SLC12A6: variants seen among roughly 807,000 people sequenced by gnomAD.
SLC12A6 encodes the protein solute carrier family 12 member 6, also known as K-Cl cotransporter 3.
Under a neutral mutation model 135.3 loss-of-function variants are expected in SLC12A6, and 66 were observed. That is an observed-to-expected ratio of 0.49 (90% CI 0.40 to 0.60). SLC12A6 has a LOEUF of 0.60. SLC12A6 is among the 20% of genes least tolerant of loss of function. The pLI is 0.00. For missense variants in SLC12A6, 1,058 were observed against 1,452.3 expected (o/e 0.73, Z 4.41); for synonymous variants, 513 against 508.8 (o/e 1.01, Z -0.11).
intron 2 of SLC12A6, among the ~76,000 whole-genome samples, chr15:34,302,664 C>T (rs755523128): frequency 5.3e-5 from 8 of 152,126 alleles, no homozygotes; most frequent in Non-Finnish European, 1.0e-4. Flanking sequence ...CACTGCACTC[C>T]AGCCTGGGTG....
chr15:34,269,583 T>C (rs923722638), intron 3 of SLC12A6, among the ~76,000 whole-genome samples: 3 of 152,218 alleles, frequency 2.0e-5, no homozygotes, highest in African/African-American at 7.2e-5. Flanking sequence ...TGAAAGGTTA[T>C]CCCAAATGCT....
At chr15:34,318,478 A>T in intron 2 of SLC12A6, 2 of 1,058,690 alleles carry the variant, frequency 1.9e-6, no homozygotes, top group Non-Finnish European at 3.0e-6. Flanking sequence ...GTCCTAAAGA[A>T]GGCATTTTGA....
chr15:34,281,042 G>C (rs146538716), intron 2 of SLC12A6, among the ~76,000 whole-genome samples: 1 of 152,212 alleles, frequency 6.6e-6, no homozygotes, highest in African/African-American at 2.4e-5. Flanking sequence ...GAAGGGCATG[G>C]GTATGGGCGG....
At chr15:34,330,617 G>A (rs895047899) in intron 2 of SLC12A6, among the ~76,000 whole-genome samples, 5 of 151,744 alleles carry the variant, frequency 3.3e-5, no homozygotes, top group Non-Finnish European at 7.4e-5. Context: ...GCAGTGAGCC[G>A]TGATCACACC....
At chr15:34,265,894 A>G (rs1893478542) in intron 3 of SLC12A6, among the ~76,000 whole-genome samples, 1 of 152,192 alleles carries the variant, frequency 6.6e-6, no homozygotes, top group African/African-American at 2.4e-5. Context: ...CATATTTAGA[A>G]AGACAGAAAG....
intron 24 of SLC12A6, among the ~76,000 whole-genome samples, chr15:34,235,786 T>C (rs1891220536): frequency 6.6e-6 from 1 of 152,162 alleles, no homozygotes; most frequent in Admixed American, 6.5e-5. Flanking sequence ...TCATTCTCTG[T>C]TGGCTTATTT....
intron 2 of SLC12A6, among the ~76,000 whole-genome samples, chr15:34,301,204 G>C (rs975259782): frequency 1.3e-5 from 2 of 152,064 alleles, no homozygotes; most frequent in Non-Finnish European, 2.9e-5. Context: ...CCTGACCTCA[G>C]GTGAGGTCAG....
At chr15:34,327,383 T>C (rs993597606) in intron 2 of SLC12A6, among the ~76,000 whole-genome samples, 5 of 152,114 alleles carry the variant, frequency 3.3e-5, no homozygotes, top group African/African-American at 1.2e-4. Flanking sequence ...ACAAACAACT[T>C]TAGCCAGGCA....
At chr15:34,294,309 T>C (rs1221396769) in intron 2 of SLC12A6, among the ~76,000 whole-genome samples, 2 of 152,080 alleles carry the variant, frequency 1.3e-5, no homozygotes, top group African/African-American at 4.8e-5. Flanking sequence ...CACGGCTCAC[T>C]GCAAACTCCA....
chr15:34,244,655 G>A (rs1014240886), intron 15 of SLC12A6, among the ~76,000 whole-genome samples: 2 of 152,114 alleles, frequency 1.3e-5, no homozygotes, highest in African/African-American at 2.4e-5. Flanking sequence ...CCAGTTCTCT[G>A]GATGTGCTAC....
rs538588544 is a variant in SLC12A6 at position 34,330,684 on chromosome 15, AAAAAC to A, written c.271+5721_271+5725del. Among the ~76,000 whole-genome samples the A allele has an allele frequency of 8.1e-3, 1,175 of 145,122 alleles. 19 individuals carry two copies. Among genetic ancestry groups the A allele is most frequent in the African/African-American group, 0.029 (1,124 of 38,210 alleles). On this transcript the variant is annotated intron_variant, in intron 2 of 25. Coordinates refer to ENST00000354181, the MANE Select transcript of SLC12A6 (RefSeq NM_001365088.1). ...CCTGTCTCAAAAAAAAAACAAAAAC[AAAAAC>A]AAAAAAAACAAAACTATCAAGAGGA...
chr15:34,307,780 A>G (rs1887836291), intron 2 of SLC12A6, among the ~76,000 whole-genome samples: 1 of 152,182 alleles, frequency 6.6e-6, no homozygotes, highest in Non-Finnish European at 1.5e-5. Context: ...TGAGATGAAG[A>G]AAAAAATATG....
At chr15:34,245,983 AG>A in intron 13 of SLC12A6, 116 bp from the exon 14 acceptor site, 1 of 800,888 alleles carries the variant, frequency 1.2e-6, no homozygotes, top group East Asian at 2.7e-5. Context: ...CCCAGGCTAG[AG>A]TGCAGTGGTG....
intron 3 of SLC12A6, among the ~76,000 whole-genome samples, chr15:34,271,861 A>C (rs347819): frequency 0.35 from 52,704 of 152,134 alleles, 11,212 homozygotes; most frequent in African/African-American, 0.61. Flanking sequence ...GTTATTACAA[A>C]TTCAATTAAG....
chr15:34,292,803 T>C lies in SLC12A6; in HGVS notation c.272-17414A>G, dbSNP rs574137018. ...CTAGCAGCTAGCAAGGCTCCGTGGGTGTGGGACCTGCTGAGCCAGGCATGG... is the reference window on the plus strand; with the variant it reads ...CTAGCAGCTAGCAAGGCTCCGTGGGCGTGGGACCTGCTGAGCCAGGCATGG... On this transcript the variant is annotated intron_variant, in intron 2 of 25. Transcript: ENST00000354181. 3.3e-5 allele frequency among the ~76,000 whole-genome samples: 5 copies of C among 152,248 alleles called. No homozygotes were observed. In the South Asian group the frequency reaches 1.0e-3, roughly 32 times the overall value.
Position 34,266,720 on chromosome 15 carries a change from C to T in SLC12A6, c.317-5700G>A, listed in dbSNP as rs75668966. ...GTGCTGGGATTACAGGTGTGAGCCA[C>T]CGGGCCTGGCTGGCACAACAATTTT... is the stretch of plus-strand genomic sequence containing the variant. On this transcript the variant is annotated intron_variant, in intron 3 of 25. Coordinates refer to ENST00000354181, the MANE Select transcript of SLC12A6 (RefSeq NM_001365088.1). Among the ~76,000 whole-genome samples, 679 of 152,296 alleles carry T rather than the reference C, an allele frequency of 4.5e-3. 6 individuals carry two copies. Among genetic ancestry groups the T allele is most frequent in the African/African-American group, 0.015 (633 of 41,552 alleles).
At chr15:34,324,623 A>T (rs1342465042) in intron 2 of SLC12A6, among the ~76,000 whole-genome samples, 1 of 152,276 alleles carries the variant, frequency 6.6e-6, no homozygotes, top group East Asian at 1.9e-4. Flanking sequence ...TTAAAAAAAA[A>T]TTTTAAGTTA....
At chr15:34,307,645 G>C (rs920881427) in intron 2 of SLC12A6, among the ~76,000 whole-genome samples, 1 of 152,212 alleles carries the variant, frequency 6.6e-6, no homozygotes, top group African/African-American at 2.4e-5. Flanking sequence ...CAAAGTTGGA[G>C]TAGAAGATTA....
intron 2 of SLC12A6, among the ~76,000 whole-genome samples, chr15:34,291,823 T>G (rs960250872): frequency 9.9e-5 from 15 of 152,176 alleles, no homozygotes; most frequent in African/African-American, 3.6e-4. Flanking sequence ...ACTGTGGTTT[T>G]CAGATCCATC....
Sources: allele counts gnomAD v4.1 joint callset (sites outside exome capture counted in the v4.1 genomes callset), GRCh38; gene constraint gnomAD v4.1.1; transcripts MANE v1.5; gene names NCBI Gene and HGNC (gene_info 2026-07-23, HGNC 2026-07-21).